The following RPS6KA3 variants were observed in gnomAD, a reference collection of about 807,000 sequenced individuals.
RPS6KA3 encodes the protein ribosomal protein S6 kinase alpha-3.
RPS6KA3 carries 4 observed loss-of-function variants against 67.2 expected under a neutral mutation model. The observed-to-expected ratio is 0.06, with a 90% CI of 0.03 to 0.14. The LOEUF is 0.14. RPS6KA3 is among the 10% of genes least tolerant of loss of function. The pLI is 1.00. For synonymous variants in RPS6KA3, 182 were observed against 183.7 expected (o/e 0.99, Z 0.07); for missense variants, 204 against 559.0 (o/e 0.36, Z 6.40).
chrX:20,250,269 G>C (rs56243954), intron 1 of RPS6KA3, among the ~76,000 whole-genome samples: 2,844 of 111,699 alleles, frequency 0.025, 25 homozygotes, highest in Non-Finnish European at 0.036. Context: ...GCTAACTGCA[G>C]CCTTGAACTC....
At chrX:20,210,389 TTAG>T (rs1471730047) in intron 2 of RPS6KA3, among the ~76,000 whole-genome samples, 1 of 112,136 alleles carries the variant, frequency 8.9e-6, no homozygotes, top group Non-Finnish European at 1.9e-5. Flanking sequence ...GTAAGTACTG[TTAG>T]TAGAATCTCA....
chrX:20,187,322 G>A (rs758216311), intron 9 of RPS6KA3, among the ~76,000 whole-genome samples: 18 of 111,394 alleles, frequency 1.6e-4, no homozygotes, highest in African/African-American at 4.6e-4. Context: ...AGGTTCTAGC[G>A]ATTCTCCAGC....
intron 2 of RPS6KA3, chrX:20,219,035 G>A (rs1325471695): frequency 5.1e-6 from 2 of 393,865 alleles, no homozygotes; most frequent in Non-Finnish European, 9.0e-6. Flanking sequence ...GAAACCTGCC[G>A]GCAGGGGCAC....
chrX:20,266,747 G>GGCA lies in RPS6KA3; in HGVS notation c.-118_-116dup. On this transcript the variant is annotated 5_prime_UTR_variant, in exon 1 of 22. Coordinates refer to ENST00000379565, the MANE Select transcript of RPS6KA3 (RefSeq NM_004586.3). ...CAGCGGCGGCGGCGGCGGCGGCGGC[G>GGCA]GCAGCGGCAGCGGCAGCGGCAGCAG... is the stretch of plus-strand genomic sequence containing the variant. The GGCA allele has an allele frequency of 4.8e-5, 1 of 20,683 alleles. No homozygotes were observed. Among genetic ancestry groups the GGCA allele is most frequent in the Non-Finnish European group, 5.5e-5 (1 of 18,151 alleles). The allele number at this position is 20,683 out of a possible 1,213,427, so 1.7% of individuals were successfully genotyped here. A position where few individuals can be genotyped will look rare whatever the true frequency, so the allele number is the denominator to read the frequency against.
At chrX:20,162,900 A>G (rs903624846) in intron 19 of RPS6KA3, 64 bp downstream of exon 19, 3 of 793,628 alleles carry the variant, frequency 3.8e-6, no homozygotes, top group East Asian at 6.3e-5. Context: ...AAAAACCTAG[A>G]TAACTTAAGC....
chrX:20,165,369 T>C (rs2067407493), intron 17 of RPS6KA3, among the ~76,000 whole-genome samples: 1 of 111,565 alleles, frequency 9.0e-6, no homozygotes, highest in African/African-American at 3.3e-5. Flanking sequence ...TAATATTGAG[T>C]GTCTATCATG....
chrX:20,250,914 T>C (rs927585064), intron 1 of RPS6KA3, among the ~76,000 whole-genome samples: 1 of 112,137 alleles, frequency 8.9e-6, no homozygotes, highest in African/African-American at 3.2e-5. Context: ...GAAGAGACTA[T>C]GTAGAATTTA....
At chrX:20,230,333 G>A (rs576002663) in intron 2 of RPS6KA3, among the ~76,000 whole-genome samples, 9 of 111,912 alleles carry the variant, frequency 8.0e-5, no homozygotes, top group Non-Finnish European at 1.1e-4. Context: ...TTTAAGGTAT[G>A]CATAGGCTCC....
At chrX:20,263,964 T>TA (rs1333622417) in intron 1 of RPS6KA3, among the ~76,000 whole-genome samples, 1 of 111,100 alleles carries the variant, frequency 9.0e-6, no homozygotes, top group Non-Finnish European at 1.9e-5. Context: ...TAAATGACTC[T>TA]AAAAAAAACT....
intron 1 of RPS6KA3, among the ~76,000 whole-genome samples, chrX:20,251,741 A>G (rs2069875940): frequency 8.9e-6 from 1 of 112,850 alleles, no homozygotes; most frequent in Non-Finnish European, 1.9e-5. Context: ...TATCTTGCAA[A>G]ATTGAAACTC....
chrX:20,156,101 C>A lies in RPS6KA3; in HGVS notation c.2100+8G>T. The A allele has an allele frequency of 8.3e-7, 1 of 1,210,494 alleles. No homozygotes were observed. The highest frequency in any genetic ancestry group is 1.1e-6 in the Non-Finnish European group (1 of 894,801). On this transcript the variant is annotated splice_region_variant and intron_variant, in intron 21 of 21. Coordinates refer to ENST00000379565, the MANE Select transcript of RPS6KA3 (RefSeq NM_004586.3). ...TGTGGAAAACAGTGACTGTATGGGGCTGCTCACCTTTACTAGATGTGGTGC... is the reference window on the plus strand; with the variant it reads ...TGTGGAAAACAGTGACTGTATGGGGATGCTCACCTTTACTAGATGTGGTGC...
chrX:20,218,344 C>G (rs2068907325), intron 2 of RPS6KA3, among the ~76,000 whole-genome samples: 2 of 111,621 alleles, frequency 1.8e-5, no homozygotes, highest in Non-Finnish European at 3.8e-5. Context: ...TTTACAGGAA[C>G]CAATTTCCAC....
intron 2 of RPS6KA3, among the ~76,000 whole-genome samples, chrX:20,216,591 G>T (rs987865878): frequency 2.7e-5 from 3 of 110,273 alleles, no homozygotes; most frequent in Middle Eastern, 4.6e-3. Context: ...AAAGGGGGGG[G>T]TTGTAATTTT....
chrX:20,211,412 C>T (rs1457783444), intron 2 of RPS6KA3, among the ~76,000 whole-genome samples: 1 of 110,825 alleles, frequency 9.0e-6, no homozygotes, highest in Non-Finnish European at 1.9e-5. Flanking sequence ...AGGCCCTTAC[C>T]ATTACACCAC....
At chrX:20,232,820 A>G (rs971236387) in intron 2 of RPS6KA3, among the ~76,000 whole-genome samples, 1 of 111,531 alleles carries the variant, frequency 9.0e-6, no homozygotes. Flanking sequence ...TTCACTAGTA[A>G]GCAAATGAGA....
intron 7 of RPS6KA3, 37 bp downstream of exon 7, chrX:20,193,449 TA>T: frequency 1.3e-6 from 1 of 790,316 alleles, no homozygotes; most frequent in East Asian, 3.2e-5. Context: ...TAAACAATCA[TA>T]TTACATTGTA....
At chrX:20,240,289 T>A (rs1407061301) in intron 1 of RPS6KA3, among the ~76,000 whole-genome samples, 8 of 89,802 alleles carry the variant, frequency 8.9e-5, no homozygotes, top group Non-Finnish European at 1.7e-4. Flanking sequence ...ACCATACTTT[T>A]TTTTTTTTTT....
rs773389058 is a variant in RPS6KA3 at position 20,257,834 on chromosome X, A to G, written c.69+8730T>C. On this transcript the variant is annotated intron_variant, in intron 1 of 21. Transcript: ENST00000379565. The stretch of plus-strand genomic sequence containing the variant: ...AAACTTGTAATTACAACATTTTTTG[A>G]TATTTAAATTTGCCCCAATGCTTTA... 2.7e-5 allele frequency among the ~76,000 whole-genome samples: 3 copies of G among 111,537 alleles called. No individual in the cohort carries two copies. The South Asian group carries it at 1.1e-3, about 42-fold the overall frequency.
In RPS6KA3 at chrX:20,188,484, ATTTT is replaced by A. The variant is rs751517771; in HGVS notation, c.631+9_631+12del. On this transcript the variant is annotated intron_variant, in intron 8 of 21. Transcript: ENST00000379565. The stretch of plus-strand genomic sequence containing the variant: ...GAGAAAATATTTTAATAAAACGAGG[ATTTT>A]TTTTTTACCTGTTAACTTGATGTGA... The A allele has an allele frequency of 1.0e-5, 9 of 897,853 alleles. No homozygotes were observed. The highest frequency in any genetic ancestry group is 1.3e-5 in the Non-Finnish European group (8 of 631,482). The allele number at this position is 897,853 out of a possible 1,213,427, so 74.0% of individuals were successfully genotyped here.
Sources: gnomAD v4.1 joint callset for allele counts (sites outside exome capture counted in the v4.1 genomes callset) on GRCh38, gnomAD v4.1.1 for gene constraint, MANE v1.5 for transcripts, NCBI Gene and HGNC (gene_info 2026-07-23, HGNC 2026-07-21) for gene names.